SLC30A8: variants seen among roughly 807,000 people sequenced by gnomAD.
The protein encoded by SLC30A8 is solute carrier family 30 member 8, also known as proton-coupled zinc antiporter SLC30A8.
Under a neutral mutation model 36.9 loss-of-function variants are expected in SLC30A8, and 27 were observed. That is an observed-to-expected ratio of 0.73 (90% confidence interval 0.54 to 1.01). The LOEUF (loss-of-function observed/expected upper bound fraction) is 1.01, where lower values mean the gene tolerates loss of function less well. SLC30A8 is among the 50% of genes least tolerant of loss of function. SLC30A8 has a pLI of 0.00. For synonymous variants in SLC30A8, 164 were observed against 172.4 expected (o/e 0.95, Z 0.38); for missense variants, 439 against 452.0 (o/e 0.97, Z 0.26).
intron 6 of SLC30A8, among the ~76,000 whole-genome samples, chr8:117,165,604 G>A (rs1169194033): frequency 1.3e-5 from 2 of 152,172 alleles, no homozygotes; most frequent in Non-Finnish European, 2.9e-5. Context: ...GTCAGAGAGT[G>A]ACATCAGCAA....
In SLC30A8 at chr8:117,172,522, T is replaced by C. The variant is rs754988224; in HGVS notation, c.965-14T>C. 10 of 1,613,416 alleles carry C rather than the reference T, an allele frequency of 6.2e-6. No individual in the cohort carries two copies. Among genetic ancestry groups the C allele is most frequent in the Non-Finnish European group, 8.5e-6 (10 of 1,179,624 alleles). On this transcript the variant is annotated splice_polypyrimidine_tract_variant and intron_variant, in intron 7 of 7. Coordinates refer to ENST00000456015, the MANE Select transcript of SLC30A8 (RefSeq NM_173851.3). ...GCAATCAGTGCTAATCTCCCTGTGC[T>C]TCTTTATCAACAGCAGCCAGCCGGG...
intron 1 of SLC30A8, among the ~76,000 whole-genome samples, chr8:116,989,624 G>A (rs1460361906): frequency 6.6e-6 from 1 of 152,036 alleles, no homozygotes; most frequent in Admixed American, 6.6e-5. Flanking sequence ...ATCTAATCCT[G>A]AAAGAAAAGA....
intron 1 of SLC30A8, among the ~76,000 whole-genome samples, chr8:117,141,834 ATAATT>A (rs1821667819): frequency 1.3e-5 from 2 of 152,182 alleles, no homozygotes; most frequent in South Asian, 4.1e-4. Flanking sequence ...CAGACTGGAA[ATAATT>A]TAATAATCTG....
intron 6 of SLC30A8, among the ~76,000 whole-genome samples, chr8:117,167,484 T>A (rs1182688323): frequency 6.8e-6 from 1 of 147,866 alleles, no homozygotes; most frequent in African/African-American, 2.5e-5. Context: ...CATTTGCATA[T>A]ATATATATAC....
At chr8:117,124,648 G>GAAA (rs35557733) in intron 2 of SLC30A8, among the ~76,000 whole-genome samples, 13 of 111,238 alleles carry the variant, frequency 1.2e-4, no homozygotes, top group South Asian at 6.1e-4. Flanking sequence ...CTTGTATCCA[G>GAAA]AAAAAAAAAA....
intron 1 of SLC30A8, among the ~76,000 whole-genome samples, chr8:116,967,890 C>A (rs1308828080): frequency 6.6e-6 from 1 of 152,000 alleles, no homozygotes; most frequent in African/African-American, 2.4e-5. Flanking sequence ...ATGAATCGTC[C>A]CGGTTTTCTC....
intron 2 of SLC30A8, among the ~76,000 whole-genome samples, chr8:117,149,348 A>G (rs1330831917): frequency 1.3e-5 from 2 of 152,074 alleles, no homozygotes; most frequent in Admixed American, 6.6e-5. Flanking sequence ...GATAGTAGCT[A>G]TTATTTATTT....
At chr8:116,950,870 A>G (rs1308078748), upstream of SLC30A8, 2 of 152,210 alleles carry the variant, frequency 1.3e-5, no homozygotes, top group South Asian at 2.1e-4. Flanking sequence ...CCAGTTTATA[A>G]TTTACCAGGT....
At chr8:117,032,616 G>A (rs1276404906) in intron 1 of SLC30A8, among the ~76,000 whole-genome samples, 1 of 152,214 alleles carries the variant, frequency 6.6e-6, no homozygotes, top group Admixed American at 6.5e-5. Flanking sequence ...TTGGCTGAGT[G>A]CAGTGGCTGA....
intron 1 of SLC30A8, 63 bp from the exon 2 acceptor site, chr8:117,146,891 G>A: frequency 6.2e-7 from 1 of 1,603,772 alleles, no homozygotes; most frequent in Non-Finnish European, 8.5e-7. Flanking sequence ...TGGGCAGGGT[G>A]GGTCAGTGAG....
intron 2 of SLC30A8, among the ~76,000 whole-genome samples, chr8:117,058,635 C>G (rs527377911): frequency 6.6e-6 from 1 of 152,266 alleles, no homozygotes; most frequent in African/African-American, 2.4e-5. Flanking sequence ...AGTTAGCAAA[C>G]TATGGTCAGT....
At chr8:117,115,333 C>T (rs921606028) in intron 2 of SLC30A8, among the ~76,000 whole-genome samples, 2 of 151,994 alleles carry the variant, frequency 1.3e-5, no homozygotes, top group Non-Finnish European at 2.9e-5. Flanking sequence ...GTTGTCTTTG[C>T]CCAGCATCAT....
At chr8:117,097,396 CA>C (rs1157294543) in intron 2 of SLC30A8, among the ~76,000 whole-genome samples, 1,080 of 25,020 alleles carry the variant, frequency 0.043, 9 homozygotes, top group Middle Eastern at 0.14. Flanking sequence ...GACTCCATCT[CA>C]AAAAAAAAAA....
intron 2 of SLC30A8, among the ~76,000 whole-genome samples, chr8:117,049,644 G>T (rs1000720397): frequency 2.0e-5 from 3 of 152,180 alleles, no homozygotes; most frequent in African/African-American, 7.2e-5. Flanking sequence ...GTGTTCCCAG[G>T]TGGGCACTGT....
intron 1 of SLC30A8, among the ~76,000 whole-genome samples, chr8:117,019,325 G>C (rs556342375): frequency 6.6e-5 from 10 of 152,338 alleles, no homozygotes; most frequent in African/African-American, 2.2e-4. Flanking sequence ...AGCAACAGAT[G>C]TTTACTCCTC....
intron 2 of SLC30A8, among the ~76,000 whole-genome samples, chr8:117,051,205 T>C (rs966844443): frequency 6.6e-6 from 1 of 152,196 alleles, no homozygotes; most frequent in East Asian, 1.9e-4. Context: ...TATTATTTTG[T>C]TAAAATTGTA....
At position 117,176,569 on chromosome 8, in the gene SLC30A8, A is replaced by AAAAT. The variant is rs1484124720; in HGVS notation, c.*3892_*3895dup. 2.6e-5 allele frequency: 4 copies of AAAAT among 152,544 alleles called. No individual in the cohort carries two copies. Among genetic ancestry groups the AAAAT allele is most frequent in the African/African-American group, 7.2e-5 (3 of 41,438 alleles). 9.4% of individuals were successfully genotyped at this position (152,544 alleles called of 1,614,324 possible). A position where few individuals can be genotyped will look rare whatever the true frequency, so the allele number is the denominator to read the frequency against. On this transcript the variant is annotated 3_prime_UTR_variant, in exon 8 of 8. Transcript: ENST00000456015. ...AGTCCAGCGCAGGCGGATGTTAAAA[A>AAAAT]AAATAAAAAGGTGACCATCTGCGGT...
rs190553605 is a variant in SLC30A8 at position 117,012,331 on chromosome 8, A to G, written c.-265-26888A>G. On this transcript the variant is annotated intron_variant, in intron 1 of 10. Transcript: ENST00000427715. Reference sequence around the variant, plus strand: ...TGCCATTTTAATGATAGCTAATTACAGTATTTTAGCAGTTAATCTTCCTAA... The same window carrying G: ...TGCCATTTTAATGATAGCTAATTACGGTATTTTAGCAGTTAATCTTCCTAA... 2.2e-3 allele frequency among the ~76,000 whole-genome samples: 330 copies of G among 152,204 alleles called. 2 individuals are homozygous for G. Among genetic ancestry groups the G allele is most frequent in the African/African-American group, 7.7e-3 (320 of 41,526 alleles).
chr8:117,108,288 G>A (rs1004587424), intron 2 of SLC30A8, among the ~76,000 whole-genome samples: 1 of 152,166 alleles, frequency 6.6e-6, no homozygotes, highest in Non-Finnish European at 1.5e-5. Context: ...CAATATTTAA[G>A]TGGATAGATT....
Sources: gnomAD v4.1 joint callset for allele counts (sites outside exome capture counted in the v4.1 genomes callset) on GRCh38, gnomAD v4.1.1 for gene constraint, MANE v1.5 for transcripts, NCBI Gene and HGNC (gene_info 2026-07-23, HGNC 2026-07-21) for gene names.